ATOH8: variants seen among roughly 807,000 people sequenced by gnomAD.
ATOH8 encodes atonal bHLH transcription factor 8, also known as transcription factor ATOH8.
In ATOH8, 9 loss-of-function variants were observed where a neutral mutation model predicts 21.2. The observed-to-expected ratio is 0.42, with a 90% CI of 0.26 to 0.74. The LOEUF (loss-of-function observed/expected upper bound fraction) is 0.74, where lower values mean the gene tolerates loss of function less well. Ranked by LOEUF, ATOH8 falls within the 30% of genes least tolerant of loss-of-function variation. The pLI, the probability that ATOH8 is intolerant of heterozygous loss-of-function variation, is 0.24. For synonymous variants in ATOH8, 253 were observed against 224.0 expected (o/e 1.13, Z -1.16); for missense variants, 524 against 470.9 (o/e 1.11, Z -1.04).
rs1558604676 is a variant in ATOH8, at chr2:85,754,114, G to A, written c.-76G>A. On this transcript the variant is annotated 5_prime_UTR_variant, in exon 1 of 3. Transcript: ENST00000306279. ...GGGGGAGGGCGGGCGAAGCGGGAGA[G>A]CCAGAGACTCCTCGGCGCTGAGCGC... The A allele has an allele frequency of 8.6e-6, 12 of 1,389,490 alleles. No homozygotes were observed. The highest frequency in any genetic ancestry group is 2.5e-4 in the Middle Eastern group (1 of 3,944). The allele number at this position is 1,389,490 out of a possible 1,614,324, so 86.1% of individuals were successfully genotyped here. A position where few individuals can be genotyped will look rare whatever the true frequency, so the allele number is the denominator to read the frequency against.
chr2:85,772,122 A>G lies in ATOH8; in HGVS notation c.960+7940A>G, dbSNP rs1015680125. On this transcript the variant is annotated intron_variant, in intron 2 of 2. Transcript: ENST00000306279. ...AAGCAGCCCGGCTGCAGCGCAGTGC[A>G]GGCTCCATTTAGCTGTGGGGAGCCA... Among the ~76,000 whole-genome samples the G allele has an allele frequency of 6.0e-5, 9 of 150,850 alleles. No homozygotes were observed. The East Asian group carries it at 1.2e-3, about 20-fold the overall frequency.
chr2:85,760,930 T>G (rs2104501092), intron 1 of ATOH8: 1 of 152,400 alleles, frequency 6.6e-6, no homozygotes, highest in South Asian at 2.1e-4. Flanking sequence ...AGACGAGCTC[T>G]TTCCACCATA....
chr2:85,777,383 C>T (rs1033155204), intron 2 of ATOH8, among the ~76,000 whole-genome samples: 1 of 152,140 alleles, frequency 6.6e-6, no homozygotes, highest in African/African-American at 2.4e-5. Flanking sequence ...AGAGATAGCA[C>T]CCAGAATCAG....
Position 85,754,585 on chromosome 2 carries a change from C to G in ATOH8, c.396C>G (p.Pro132=), listed in dbSNP as rs759266002. The change falls in exon 1 of 3, where the codon CCC becomes CCG. Residue 132 remains proline (P), a synonymous_variant. Transcript: ENST00000306279. ...CGCCGCCGCCGCCGCCTCCTGCGCC[C>G]CAGAGCCAGGCACCTGGGGGCCCAG... The part of the protein sequence containing the change: ...PTPPPPPPPA[P]QSQAPGGPEA... 9 of 1,462,720 alleles carry G rather than the reference C, an allele frequency of 6.2e-6. No homozygotes were observed. In the South Asian group the frequency reaches 1.1e-4, roughly 18 times the overall value. The allele number at this position is 1,462,720 out of a possible 1,614,324, so 90.6% of individuals were successfully genotyped here. A position where few individuals can be genotyped will look rare whatever the true frequency, so the allele number is the denominator to read the frequency against.
intron 2 of ATOH8, among the ~76,000 whole-genome samples, chr2:85,780,690 T>G (rs1680459129): frequency 6.6e-6 from 1 of 152,220 alleles, no homozygotes; most frequent in Non-Finnish European, 1.5e-5. Context: ...TGCATCTTTG[T>G]TGAATAAATG....
At chr2:85,763,868 T>C in intron 1 of ATOH8, 123 bp from the exon 2 acceptor site, 1 of 601,902 alleles carries the variant, frequency 1.7e-6, no homozygotes, top group Non-Finnish European at 2.9e-6. Context: ...AAACAGCAGG[T>C]GCGTAGAGCA....
chr2:85,776,907 G>C (rs182008280), intron 2 of ATOH8, among the ~76,000 whole-genome samples: 1 of 152,118 alleles, frequency 6.6e-6, no homozygotes, highest in East Asian at 1.9e-4. Flanking sequence ...CTCCCGCCTC[G>C]CTTTCCTGCC....
intron 2 of ATOH8, among the ~76,000 whole-genome samples, chr2:85,765,581 G>A (rs1034872291): frequency 1.3e-5 from 2 of 152,188 alleles, no homozygotes; most frequent in African/African-American, 4.8e-5. Flanking sequence ...CGCGGCGCTC[G>A]GTGACAAAGG....
intron 2 of ATOH8, among the ~76,000 whole-genome samples, chr2:85,771,998 G>A (rs1680195768): frequency 6.6e-6 from 1 of 152,254 alleles, no homozygotes; most frequent in Admixed American, 6.5e-5. Flanking sequence ...CCAGCCCGCT[G>A]CCTGAAGCTC....
intron 2 of ATOH8, among the ~76,000 whole-genome samples, chr2:85,786,683 G>A (rs1471759883): frequency 8.5e-5 from 13 of 152,224 alleles, no homozygotes; most frequent in Non-Finnish European, 1.6e-4. Flanking sequence ...CCTCTGAAAT[G>A]CAGCACTAAG....
chr2:85,772,492 C>A (rs983247284), intron 2 of ATOH8: 3 of 346,898 alleles, frequency 8.6e-6, no homozygotes, highest in Non-Finnish European at 1.7e-5. Context: ...GGGCAGAGGG[C>A]AGGGAAAGCA....
chr2:85,776,591 G>A (rs927529204), intron 2 of ATOH8, among the ~76,000 whole-genome samples: 23 of 152,298 alleles, frequency 1.5e-4, no homozygotes, highest in African/African-American at 5.1e-4. Context: ...GCGTCCGTAG[G>A]CACCGTCTGC....
At chr2:85,768,721 C>T (rs1208991120) in intron 2 of ATOH8, among the ~76,000 whole-genome samples, 1 of 152,328 alleles carries the variant, frequency 6.6e-6, no homozygotes, top group East Asian at 1.9e-4. Context: ...CTCAGCTCCC[C>T]CTCCAAGCCC....
intron 1 of ATOH8, among the ~76,000 whole-genome samples, chr2:85,762,529 G>A (rs547315892): frequency 1.2e-4 from 19 of 152,182 alleles, no homozygotes; most frequent in Non-Finnish European, 2.4e-4. Flanking sequence ...GGGAGACTGA[G>A]CACTAAAGAG....
chr2:85,775,045 T>G, intron 2 of ATOH8: 1 of 983,670 alleles, frequency 1.0e-6, no homozygotes, highest in South Asian at 4.7e-5. Flanking sequence ...AGTTAAAATG[T>G]TAGACAATAT....
At chr2:85,765,291 T>TCCAGACCCCTTTCCAGCAGGCC (rs1408573275) in intron 2 of ATOH8, among the ~76,000 whole-genome samples, 1 of 152,190 alleles carries the variant, frequency 6.6e-6, no homozygotes, top group Non-Finnish European at 1.5e-5. Flanking sequence ...GACATTCCTT[T>TCCAGACCCCTTTCCAGCAGGCC]CCAGACCCCT....
At chr2:85,757,527 CT>C (rs918712231) in intron 1 of ATOH8, among the ~76,000 whole-genome samples, 1 of 152,244 alleles carries the variant, frequency 6.6e-6, no homozygotes, top group Admixed American at 6.5e-5. Context: ...GGGATTGTGG[CT>C]CTGGCCTGGG....
At chr2:85,774,354 G>GC in intron 2 of ATOH8, 1 of 985,544 alleles carries the variant, frequency 1.0e-6, no homozygotes, top group Non-Finnish European at 1.2e-6. Context: ...ACAGTGCGAG[G>GC]CCTCAGACAG....
In ATOH8 at chr2:85,767,663, G is replaced by A. The variant is rs186579268; in HGVS notation, c.960+3481G>A. Reference sequence around the variant, plus strand: ...CAGGTACAAAATAATTTACCACATAGTCCCCACCATCATGCAGCGACTGAA... The same window carrying A: ...CAGGTACAAAATAATTTACCACATAATCCCCACCATCATGCAGCGACTGAA... On this transcript the variant is annotated intron_variant, in intron 2 of 2. Transcript: ENST00000306279. 2.5e-4 allele frequency among the ~76,000 whole-genome samples: 22 copies of A among 88,868 alleles called. No homozygotes were observed. In the East Asian group the frequency reaches 7.1e-3, roughly 29 times the overall value. 58.3% of individuals were successfully genotyped at this position (88,868 alleles called of 152,430 possible). A position where few individuals can be genotyped will look rare whatever the true frequency, so the allele number is the denominator to read the frequency against.
Sources: gnomAD v4.1 joint callset for allele counts (sites outside exome capture counted in the v4.1 genomes callset) on GRCh38, gnomAD v4.1.1 for gene constraint, MANE v1.5 for transcripts, NCBI Gene and HGNC (gene_info 2026-07-23, HGNC 2026-07-21) for gene names.